The following TANGO6 variants were observed in gnomAD, a reference collection of about 807,000 sequenced individuals.
TANGO6 encodes the protein transport and golgi organization 6 homolog.
TANGO6 carries 90 observed loss-of-function variants against 114.2 expected under a neutral mutation model. That is an observed-to-expected ratio of 0.79 (90% CI 0.66 to 0.94). The LOEUF (loss-of-function observed/expected upper bound fraction) is 0.94. Ranked by LOEUF, TANGO6 falls within the 40% of genes least tolerant of loss-of-function variation. TANGO6 has a pLI of 0.00. For missense variants in TANGO6, 1,274 were observed against 1,315.3 expected (o/e 0.97, Z 0.49); for synonymous variants, 477 against 509.8 (o/e 0.94, Z 0.87).
At chr16:68,953,183 G>A (rs1244589117) in intron 14 of TANGO6, among the ~76,000 whole-genome samples, 4 of 151,576 alleles carry the variant, frequency 2.6e-5, no homozygotes, top group African/African-American at 2.4e-5. Flanking sequence ...TCCCAGGTTC[G>A]AGCGATTCTC....
chr16:68,909,290 A>G lies in TANGO6; in HGVS notation c.1880A>G (p.Glu627Gly). The stretch of plus-strand genomic sequence containing the variant: ...TCCAGCAAGAGCCTCTTGGAATTAG[A>G]GCAACATCAGACTCTTCTTGTGGAA... Reference protein sequence around the residue: ...PFSSKSLLELEQHQTLLVEGQ... With the variant: ...PFSSKSLLELGQHQTLLVEGQ... The change falls in exon 11 of 18, where the codon GAG (glutamate) becomes GGG (glycine). Residue 627 changes from glutamate (E) to glycine (G), a missense_variant. Glu to Gly is a moderately conservative substitution (Grantham distance 98, BLOSUM62 -2). Around this residue, in one of 5 missense-constraint regions of TANGO6, gnomAD observed 908 missense variants for 910.2 expected, o/e 1.00. Transcript: ENST00000261778. 2 of 1,611,510 alleles carry G rather than the reference A, an allele frequency of 1.2e-6. No individual in the cohort carries two copies. The highest frequency in any genetic ancestry group is 1.7e-6 in the Non-Finnish European group (2 of 1,178,700).
At chr16:68,969,867 G>T (rs1265391190) in intron 14 of TANGO6, among the ~76,000 whole-genome samples, 2 of 152,218 alleles carry the variant, frequency 1.3e-5, no homozygotes, top group South Asian at 2.1e-4. Context: ...ATGCCATCGG[G>T]TCTCTTCTTC....
chr16:68,966,461 A>G (rs1051917986), intron 14 of TANGO6, among the ~76,000 whole-genome samples: 16 of 151,936 alleles, frequency 1.1e-4, no homozygotes, highest in African/African-American at 3.1e-4. Flanking sequence ...CTGAGATTAC[A>G]CCACTGCACG....
intron 17 of TANGO6, 107 bp downstream of exon 17, chr16:69,040,528 C>T: frequency 1.2e-6 from 1 of 863,374 alleles, no homozygotes. Context: ...TCGATGGATT[C>T]ATCCAAATGA....
intron 15 of TANGO6, among the ~76,000 whole-genome samples, chr16:69,012,842 G>A (rs9930810): frequency 0.085 from 12,993 of 152,106 alleles, 642 homozygotes; most frequent in African/African-American, 0.12. Context: ...TTAGGATCTC[G>A]GAGCCTTACG....
intron 15 of TANGO6, among the ~76,000 whole-genome samples, chr16:69,009,502 C>A (rs961555806): frequency 6.6e-5 from 10 of 152,146 alleles, no homozygotes; most frequent in African/African-American, 2.4e-4. Context: ...GTGAGTCCTC[C>A]AACTTTTTCA....
At chr16:68,983,616 A>G (rs1250163535) in intron 15 of TANGO6, among the ~76,000 whole-genome samples, 2 of 152,234 alleles carry the variant, frequency 1.3e-5, no homozygotes, top group East Asian at 3.8e-4. Context: ...TGTGAGGCAC[A>G]GAAGAAATGG....
At chr16:68,889,297 T>C (rs75686744) in intron 7 of TANGO6, among the ~76,000 whole-genome samples, 3,635 of 152,314 alleles carry the variant, frequency 0.024, 98 homozygotes, top group African/African-American at 0.066. Flanking sequence ...GATTCACTGT[T>C]GGAGTTGTAT....
chr16:68,947,419 A>T (rs1308890381), intron 14 of TANGO6, among the ~76,000 whole-genome samples: 4 of 151,702 alleles, frequency 2.6e-5, no homozygotes, highest in African/African-American at 9.7e-5. Flanking sequence ...GTGCCACTGT[A>T]CTCCAGCCTG....
chr16:68,913,591 T>C (rs919589870), intron 11 of TANGO6, among the ~76,000 whole-genome samples: 2 of 151,672 alleles, frequency 1.3e-5, no homozygotes, highest in Admixed American at 1.3e-4. Context: ...GTATTTTTAG[T>C]AGAGATGGGG....
At chr16:69,060,231 T>G (rs1164245221) in intron 17 of TANGO6, among the ~76,000 whole-genome samples, 1 of 152,148 alleles carries the variant, frequency 6.6e-6, no homozygotes, top group Non-Finnish European at 1.5e-5. Context: ...TTGCCCAGGT[T>G]GCTCTTGAAC....
chr16:68,921,249 C>T (rs2152191942), intron 12 of TANGO6, among the ~76,000 whole-genome samples: 1 of 150,196 alleles, frequency 6.7e-6, no homozygotes, highest in South Asian at 2.1e-4. Flanking sequence ...GTGGCACAAT[C>T]TCAGCTCACT....
chr16:69,030,215 A>T (rs1446992685), intron 16 of TANGO6, among the ~76,000 whole-genome samples: 1 of 151,796 alleles, frequency 6.6e-6, no homozygotes, highest in Non-Finnish European at 1.5e-5. Context: ...GGGGCTGAGG[A>T]TACAAAACCC....
intron 17 of TANGO6, among the ~76,000 whole-genome samples, chr16:69,069,347 C>A (rs183288085): frequency 6.6e-6 from 1 of 152,152 alleles, no homozygotes; most frequent in African/African-American, 2.4e-5. Flanking sequence ...CTCTCTGCCC[C>A]GTAATAGTCT....
chr16:68,882,439 G>C (rs887992174), intron 7 of TANGO6, among the ~76,000 whole-genome samples: 2 of 151,992 alleles, frequency 1.3e-5, no homozygotes, highest in Non-Finnish European at 2.9e-5. Context: ...AGAGCTTGCA[G>C]TGAGCCGAGA....
chr16:68,863,405 C>T (rs974888548), intron 3 of TANGO6, among the ~76,000 whole-genome samples: 2 of 151,906 alleles, frequency 1.3e-5, no homozygotes, highest in African/African-American at 2.4e-5. Context: ...GTCGTGAGTT[C>T]GAGACCAGCC....
intron 7 of TANGO6, among the ~76,000 whole-genome samples, chr16:68,891,882 G>A (rs1469525348): frequency 6.9e-6 from 1 of 145,398 alleles, no homozygotes; most frequent in Non-Finnish European, 1.5e-5. Flanking sequence ...AAAGGAAAGA[G>A]GGAGGGAAGG....
chr16:68,853,355 G>GA (rs901926297), intron 1 of TANGO6, among the ~76,000 whole-genome samples: 98 of 143,970 alleles, frequency 6.8e-4, no homozygotes, highest in Middle Eastern at 3.6e-3. Context: ...GTGAGAAAAG[G>GA]AAAAAAAAAA....
chr16:68,961,781 A>G (rs1233987250), intron 14 of TANGO6, among the ~76,000 whole-genome samples: 3 of 152,246 alleles, frequency 2.0e-5, no homozygotes, highest in African/African-American at 7.2e-5. Context: ...TCAAGAAAAC[A>G]GTCAATGATA....
Sources: gnomAD v4.1 joint callset for allele counts (sites outside exome capture counted in the v4.1 genomes callset) on GRCh38, gnomAD v4.1.1 for gene constraint, gnomAD v4.1.1 regional missense constraint, MANE v1.5 for transcripts, NCBI Gene and HGNC (gene_info 2026-07-23, HGNC 2026-07-21) for gene names.